MYBPC2: variants seen among roughly 807,000 people sequenced by gnomAD.
MYBPC2 encodes myosin-binding protein C, fast-type.
In MYBPC2, 122 loss-of-function variants were observed where a neutral mutation model predicts 137.0. The ratio of observed to expected loss-of-function variants is 0.89; its 90% confidence interval spans 0.77 to 1.03. The LOEUF is 1.03. MYBPC2 is among the 50% of genes least tolerant of loss of function. The pLI, the probability that MYBPC2 is intolerant of heterozygous loss-of-function variation, is 0.00. For missense variants in MYBPC2, 1,500 were observed against 1,534.4 expected, an observed-to-expected ratio of 0.98 and a Z score of 0.37; for synonymous variants, 626 against 612.3, an observed-to-expected ratio of 1.02 and a Z score of -0.33.
Position 50,448,272 on chromosome 19 carries a change from G to T in MYBPC2, c.1354G>T (p.Ala452Ser), listed in dbSNP as rs186081920. The T allele has an allele frequency of 1.6e-4, 255 of 1,613,878 alleles. No individual in the cohort carries two copies. The African/African-American group carries it at 2.9e-3, about 18-fold the overall frequency. ...LQDIADLTVK[A>S]SEQAVFKCEV... The stretch of plus-strand genomic sequence containing the variant: ...GGACATCGCGGATCTGACGGTGAAG[G>T]CCTCAGAACAAGCTGTGTTCAAGTG... The change falls in exon 13 of 28, where the codon GCC (alanine) becomes TCC (serine). Residue 452 changes from alanine (A) to serine (S), a missense_variant. Coordinates refer to ENST00000357701, the MANE Select transcript of MYBPC2 (RefSeq NM_004533.4).
At chr19:50,452,799 C>A (rs1460484858) in intron 16 of MYBPC2, among the ~76,000 whole-genome samples, 1 of 151,998 alleles carries the variant, frequency 6.6e-6, no homozygotes, top group Non-Finnish European at 1.5e-5. Flanking sequence ...CTCAAACGAT[C>A]CTTCCACCTT....
chr19:50,450,551 G>C (rs1404845016), intron 13 of MYBPC2, among the ~76,000 whole-genome samples: 1 of 152,106 alleles, frequency 6.6e-6, no homozygotes, highest in Admixed American at 6.5e-5. Context: ...TTACAGATGT[G>C]AGCCACTGCA....
At position 50,455,496 on chromosome 19, in the gene MYBPC2, C is replaced by G. The variant is rs1351860335; in HGVS notation, c.2204-14C>G. 1 of 1,607,442 alleles carries G rather than the reference C, an allele frequency of 6.2e-7. No individual in the cohort carries two copies. The highest frequency in any genetic ancestry group is 1.3e-5 in the African/African-American group (1 of 74,644). Reference sequence around the variant, plus strand: ...CTCATTCCCCCCATATCCTCTTTTTCTGGATGCTTGCAGCACCCACGAGTG... The same window carrying G: ...CTCATTCCCCCCATATCCTCTTTTTGTGGATGCTTGCAGCACCCACGAGTG... On this transcript the variant is annotated splice_polypyrimidine_tract_variant and intron_variant, in intron 19 of 27. Coordinates refer to ENST00000357701, the MANE Select transcript of MYBPC2 (RefSeq NM_004533.4).
chr19:50,450,201 C>T (rs371989896), intron 13 of MYBPC2, among the ~76,000 whole-genome samples: 7 of 152,158 alleles, frequency 4.6e-5, no homozygotes, highest in Admixed American at 4.6e-4. Flanking sequence ...GATAACACAT[C>T]CTGACACTTA....
In MYBPC2 at chr19:50,436,075, AG is replaced by A; in HGVS notation, c.261del (p.Lys87AsnfsTer79). 3.2e-6 allele frequency: 5 copies of A among 1,584,202 alleles called. No individual in the cohort carries two copies. Among genetic ancestry groups the A allele is most frequent in the Non-Finnish European group, 3.4e-6 (4 of 1,165,192 alleles). Reference protein sequence around the residue: ...GKELPDKPTIKWFKGKWLELG... With the variant: ...GKELPDKPTIXWFKGKWLELG... Reference sequence around the variant, plus strand: ...GAGCTCCCAGACAAACCGACCATCAAGTGGTTCAAGGGGAAGTGGCTGGAGC... The same window carrying A: ...GAGCTCCCAGACAAACCGACCATCAATGGTTCAAGGGGAAGTGGCTGGAGC... On this transcript the variant is annotated frameshift_variant, in exon 4 of 28. Coordinates refer to ENST00000357701, the MANE Select transcript of MYBPC2 (RefSeq NM_004533.4). LOFTEE classifies it high-confidence loss of function.
At chr19:50,455,857 G>A (rs2039905503) in intron 20 of MYBPC2, among the ~76,000 whole-genome samples, 1 of 152,112 alleles carries the variant, frequency 6.6e-6, no homozygotes, top group South Asian at 2.1e-4. Context: ...CCTCCATACA[G>A]CAGTGACTTT....
intron 26 of MYBPC2, among the ~76,000 whole-genome samples, chr19:50,462,436 G>C (rs1446197677): frequency 6.6e-6 from 1 of 151,802 alleles, no homozygotes; most frequent in Non-Finnish European, 1.5e-5. Flanking sequence ...CTCCCGCCTC[G>C]GCCTCCCAAA....
At chr19:50,452,448 C>G (rs2039867526) in intron 16 of MYBPC2, among the ~76,000 whole-genome samples, 2 of 147,842 alleles carry the variant, frequency 1.4e-5, no homozygotes, top group South Asian at 4.2e-4. Flanking sequence ...ATCTATCTGT[C>G]TATCTATCTA....
rs1341472949 is a variant in MYBPC2 at position 50,432,915 on chromosome 19, C to T, written c.-39C>T. ...CTGTCCTCCCTAGGGCCTAGCGGGACGCGGCTGCGGTCAGAGGAGCAGGAG... is the reference window on the plus strand; with the variant it reads ...CTGTCCTCCCTAGGGCCTAGCGGGATGCGGCTGCGGTCAGAGGAGCAGGAG... On this transcript the variant is annotated 5_prime_UTR_variant, in exon 1 of 28. In the 5' UTR this introduces an upstream ATG that the reference lacks. Coordinates refer to ENST00000357701, the MANE Select transcript of MYBPC2 (RefSeq NM_004533.4). This position sits in a 1 kb window ranked among gnomAD's most constrained non-coding sequence, Gnocchi z 5.5. The T allele has an allele frequency of 7.5e-6, 12 of 1,601,542 alleles. No homozygotes were observed. The highest frequency in any genetic ancestry group is 1.3e-5 in the African/African-American group (1 of 74,616).
intron 7 of MYBPC2, among the ~76,000 whole-genome samples, chr19:50,440,065 G>A (rs1245188247): frequency 3.9e-5 from 6 of 152,108 alleles, no homozygotes; most frequent in South Asian, 2.1e-4. Context: ...GGGGAGTGAC[G>A]GAAGTAGCTG....
rs781197190 is a variant in MYBPC2, at chr19:50,458,731, C to T, written c.2483C>T (p.Pro828Leu). The change falls in exon 21 of 28, where the codon CCG becomes CTG. Residue 828 changes from proline to leucine, a missense_variant. Physicochemically the swap from Pro to Leu is moderately conservative, Grantham distance 98. Transcript: ENST00000357701. ...GRSEPATLAQ[P>L]VTIREIAEPP... ...AGCGAGCCGGCCACCCTGGCCCAGC[C>T]GGTCACCATCAGGGAGATTGCGGGT... The T allele has an allele frequency of 6.8e-6, 11 of 1,608,604 alleles. No homozygotes were observed. The Admixed American group carries it at 1.0e-4, about 15-fold the overall frequency.
intron 18 of MYBPC2, among the ~76,000 whole-genome samples, chr19:50,454,852 A>T (rs1259050620): frequency 6.6e-6 from 1 of 151,854 alleles, no homozygotes; most frequent in Non-Finnish European, 1.5e-5. Flanking sequence ...GTGACCTGGG[A>T]ATTCTCACTT....
intron 13 of MYBPC2, among the ~76,000 whole-genome samples, chr19:50,450,401 G>C (rs146493662): frequency 6.6e-6 from 1 of 152,108 alleles, no homozygotes; most frequent in East Asian, 1.9e-4. Context: ...GATTACAGGC[G>C]TGAGCCACCA....
chr19:50,434,205 A>G (rs750917040), intron 1 of MYBPC2, among the ~76,000 whole-genome samples: 8 of 152,012 alleles, frequency 5.3e-5, no homozygotes, highest in Non-Finnish European at 1.0e-4. Flanking sequence ...AAAAAATACT[A>G]AATTAGCTGG....
rs369163990 is a variant in MYBPC2, at chr19:50,436,603, G to C, written c.346-14G>C. ...GGTGGTCCCGTGCACCCACACCCCCGGCCCTGGACCCAGGTGTACACCGTG... is the reference window on the plus strand; with the variant it reads ...GGTGGTCCCGTGCACCCACACCCCCCGCCCTGGACCCAGGTGTACACCGTG... On this transcript the variant is annotated splice_polypyrimidine_tract_variant and intron_variant, in intron 4 of 27. Coordinates refer to ENST00000357701, the MANE Select transcript of MYBPC2 (RefSeq NM_004533.4). 38 of 1,610,462 alleles carry C rather than the reference G, an allele frequency of 2.4e-5. No individual in the cohort carries two copies. Among genetic ancestry groups the C allele is most frequent in the Non-Finnish European group, 3.1e-5 (36 of 1,177,142 alleles).
At chr19:50,456,089 C>T (rs1344306393) in intron 20 of MYBPC2, among the ~76,000 whole-genome samples, 2 of 123,208 alleles carry the variant, frequency 1.6e-5, no homozygotes, top group African/African-American at 3.5e-5. Context: ...ACCGTCCATC[C>T]ATCCATCCAT....
At chr19:50,455,041 C>T in intron 18 of MYBPC2, 67 bp from the exon 19 acceptor site, 1 of 1,457,774 alleles carries the variant, frequency 6.9e-7, no homozygotes, top group Non-Finnish European at 9.2e-7. Flanking sequence ...GTGGCCCTCA[C>T]TCCCCCAGCT....
In MYBPC2 at chr19:50,448,335, A is replaced by C. The variant is rs2039825119; in HGVS notation, c.1417A>C (p.Lys473Gln). 3 of 1,613,806 alleles carry C rather than the reference A, an allele frequency of 1.9e-6. No individual in the cohort carries two copies. Among genetic ancestry groups the C allele is most frequent in the Non-Finnish European group, 2.5e-6 (3 of 1,179,824 alleles). ...TGAGAAAGTGACGGGCAAGTGGTATAAGAATGGGGTCGAGGTGCGGCCCAG... is the reference window on the plus strand; with the variant it reads ...TGAGAAAGTGACGGGCAAGTGGTATCAGAATGGGGTCGAGGTGCGGCCCAG... ...SDEKVTGKWY[K>Q]NGVEVRPSKR... The change falls in exon 13 of 28, where the codon AAG becomes CAG. Residue 473 changes from lysine to glutamine, a missense_variant. Physicochemically the swap from Lys to Gln is moderately conservative, Grantham distance 53. Coordinates refer to ENST00000357701, the MANE Select transcript of MYBPC2 (RefSeq NM_004533.4).
chr19:50,447,986 T>C (rs2039820960), intron 12 of MYBPC2, among the ~76,000 whole-genome samples: 1 of 152,210 alleles, frequency 6.6e-6, no homozygotes, highest in Admixed American at 6.5e-5. Flanking sequence ...GGAGGCTTTT[T>C]TTCATCTTCT....
Sources: gnomAD v4.1 joint callset for allele counts (sites outside exome capture counted in the v4.1 genomes callset) on GRCh38, gnomAD v4.1.1 for gene constraint, Gnocchi (gnomAD v3.1) non-coding constraint, MANE v1.5 for transcripts, NCBI Gene and HGNC (gene_info 2026-07-23, HGNC 2026-07-21) for gene names.